The following CHRM2 variants were observed in gnomAD, a reference collection of about 807,000 sequenced individuals.
CHRM2 encodes cholinergic receptor muscarinic 2.
CHRM2 carries 8 observed loss-of-function variants against 25.0 expected under a neutral mutation model. That is an observed-to-expected ratio of 0.32 (90% CI 0.19 to 0.58). CHRM2 has a LOEUF of 0.58. CHRM2 is among the 20% of genes least tolerant of loss of function. The pLI is 0.88. For missense variants in CHRM2, 440 were observed against 567.1 expected, an observed-to-expected ratio of 0.78 and a Z score of 2.28; for synonymous variants, 202 against 205.7, an observed-to-expected ratio of 0.98 and a Z score of 0.15.
chr7:137,002,156 T>C (rs924745920), intron 3 of CHRM2, among the ~76,000 whole-genome samples: 5 of 152,172 alleles, frequency 3.3e-5, no homozygotes, highest in African/African-American at 1.2e-4. Context: ...TGTTTTGTTT[T>C]GTTTGTTTTT....
chr7:136,915,041 TA>T (rs1798031884), intron 2 of CHRM2, among the ~76,000 whole-genome samples: 1 of 151,862 alleles, frequency 6.6e-6, no homozygotes, highest in African/African-American at 2.4e-5. Flanking sequence ...GTATGACATG[TA>T]GGAGTTTTAG....
chr7:136,985,840 A>T (rs567409900), intron 2 of CHRM2, among the ~76,000 whole-genome samples: 1 of 152,336 alleles, frequency 6.6e-6, no homozygotes, highest in East Asian at 1.9e-4. Context: ...AACAGAATTT[A>T]TAATAACATT....
intron 3 of CHRM2, among the ~76,000 whole-genome samples, chr7:137,001,392 C>G (rs1804024526): frequency 6.6e-6 from 1 of 152,110 alleles, no homozygotes; most frequent in African/African-American, 2.4e-5. Context: ...AGCAACCAAA[C>G]AAGGAAGAGC....
At chr7:136,980,324 T>C (rs1802400532) in intron 2 of CHRM2, among the ~76,000 whole-genome samples, 1 of 152,330 alleles carries the variant, frequency 6.6e-6, no homozygotes, top group East Asian at 1.9e-4. Context: ...AAGTTGCTTA[T>C]GAGCTTAAGG....
chr7:136,949,723 C>A (rs1410260503), intron 2 of CHRM2, among the ~76,000 whole-genome samples: 1 of 136,936 alleles, frequency 7.3e-6, no homozygotes, highest in Non-Finnish European at 1.5e-5. Flanking sequence ...ATAACATCAA[C>A]TTTTTAAAAC....
At chr7:136,905,208 T>C (rs1360808186) in intron 2 of CHRM2, among the ~76,000 whole-genome samples, 1 of 151,896 alleles carries the variant, frequency 6.6e-6, no homozygotes, top group African/African-American at 2.4e-5. Flanking sequence ...AGAATGTCTA[T>C]ATTTTGGGAA....
At chr7:136,975,780 A>G (rs1802065538) in intron 2 of CHRM2, among the ~76,000 whole-genome samples, 1 of 152,198 alleles carries the variant, frequency 6.6e-6, no homozygotes, top group Non-Finnish European at 1.5e-5. Flanking sequence ...GATTGTGCCC[A>G]TTATAAAACA....
intron 2 of CHRM2, among the ~76,000 whole-genome samples, chr7:136,885,628 A>C (rs1291984622): frequency 6.6e-6 from 1 of 152,234 alleles, no homozygotes; most frequent in Admixed American, 6.5e-5. Flanking sequence ...ACATACAGGT[A>C]CTATACTAGA....
rs1187653226 is a variant in CHRM2, at chr7:136,995,717, C to G, written c.-47+3453C>G. 4.6e-5 allele frequency among the ~76,000 whole-genome samples: 7 copies of G among 152,002 alleles called. No homozygotes were observed. The East Asian group carries it at 1.2e-3, about 25-fold the overall frequency. ...AGGCAGAGGTTGCAATAAGCCAAGA[C>G]TGCACCACTGCACACTCCAGCCTTT... On this transcript the variant is annotated intron_variant, in intron 3 of 3. Coordinates refer to ENST00000680005, the MANE Select transcript of CHRM2 (RefSeq NM_001006630.2).
At chr7:136,961,194 T>A (rs566058318) in intron 2 of CHRM2, among the ~76,000 whole-genome samples, 1 of 152,132 alleles carries the variant, frequency 6.6e-6, no homozygotes, top group Non-Finnish European at 1.5e-5. Flanking sequence ...ATAAAACCAT[T>A]CTGTTTTCTA....
intron 2 of CHRM2, among the ~76,000 whole-genome samples, chr7:136,946,980 T>C (rs1457149077): frequency 6.6e-6 from 1 of 152,202 alleles, no homozygotes; most frequent in Admixed American, 6.5e-5. Flanking sequence ...GTAGATGGTA[T>C]GCCCAGGGGA....
chr7:136,902,805 A>G (rs1188989686), intron 2 of CHRM2: 1 of 242,984 alleles, frequency 4.1e-6, no homozygotes, highest in Non-Finnish European at 8.0e-6. Context: ...ATTCCACAGT[A>G]AGATGTAAAT....
intron 2 of CHRM2, among the ~76,000 whole-genome samples, chr7:136,926,274 A>G (rs777211098): frequency 9.9e-5 from 15 of 152,114 alleles, no homozygotes; most frequent in Admixed American, 3.9e-4. Context: ...ATAAAAATAA[A>G]TAAAAATTTA....
rs778284565 is a variant in CHRM2 at position 137,015,776 on chromosome 7, A to T, written c.911A>T (p.Asp304Val). The change falls in exon 4 of 4, where the codon GAT becomes GTT. Residue 304 changes from aspartate to valine, a missense_variant. This residue lies in a region of CHRM2 where 261 missense variants were observed against 261.8 expected (regional missense o/e 1.00). Transcript: ENST00000680005. This position sits in a 1 kb window ranked among gnomAD's most constrained non-coding sequence, Gnocchi z 5.1. The part of the protein sequence containing the change: ...SNMRDDEITQ[D>V]ENTVSTSLGH... ...ATGAGAGATGATGAAATAACCCAGG[A>T]TGAAAACACAGTTTCCACTTCCCTG... 4.5e-5 allele frequency: 72 copies of T among 1,613,092 alleles called. No individual in the cohort carries two copies. The highest frequency in any genetic ancestry group is 5.5e-5 in the Non-Finnish European group (65 of 1,179,512).
chr7:136,965,544 G>A (rs1801360464), intron 2 of CHRM2, among the ~76,000 whole-genome samples: 1 of 151,940 alleles, frequency 6.6e-6, no homozygotes, highest in South Asian at 2.1e-4. Flanking sequence ...AAAATTTCAG[G>A]TCCAGATACT....
intron 2 of CHRM2, among the ~76,000 whole-genome samples, chr7:136,958,030 C>A (rs1190974403): frequency 6.6e-6 from 1 of 152,176 alleles, no homozygotes; most frequent in African/African-American, 2.4e-5. Context: ...ATTATGTAAT[C>A]TATTCCATTT....
At chr7:137,004,803 A>T (rs533011174) in intron 3 of CHRM2, among the ~76,000 whole-genome samples, 3 of 152,162 alleles carry the variant, frequency 2.0e-5, no homozygotes, top group African/African-American at 7.2e-5. Context: ...TTGCCATTAG[A>T]TCATTTAGTA....
intron 2 of CHRM2, among the ~76,000 whole-genome samples, chr7:136,888,340 G>A (rs1262478275): frequency 6.6e-6 from 1 of 152,186 alleles, no homozygotes; most frequent in Non-Finnish European, 1.5e-5. Context: ...CTGCGCTGGG[G>A]AAAGGAGAGA....
chr7:137,016,282 G>A lies in CHRM2; in HGVS notation c.*16G>A. Reference sequence around the variant, plus strand: ...TACAAGGTAAAATATCTTTGAAAAAGATAGAAGGTGGGCAAGGGGAGCTTG... The same window carrying A: ...TACAAGGTAAAATATCTTTGAAAAAAATAGAAGGTGGGCAAGGGGAGCTTG... On this transcript the variant is annotated 3_prime_UTR_variant, in exon 4 of 4. Transcript: ENST00000680005. The A allele has an allele frequency of 3.1e-6, 5 of 1,610,840 alleles. No homozygotes were observed. The highest frequency in any genetic ancestry group is 2.5e-6 in the Non-Finnish European group (3 of 1,177,560).
Sources: allele counts gnomAD v4.1 joint callset (sites outside exome capture counted in the v4.1 genomes callset), GRCh38; gene constraint gnomAD v4.1.1; regional missense constraint gnomAD v4.1.1; non-coding constraint Gnocchi (gnomAD v3.1); transcripts MANE v1.5; gene names NCBI Gene and HGNC (gene_info 2026-07-23, HGNC 2026-07-21).